Variants in COL6A6 observed in about 807,000 individuals in gnomAD.
COL6A6 encodes collagen alpha-6(VI) chain.
COL6A6 carries 183 observed loss-of-function variants against 208.6 expected under a neutral mutation model. The ratio of observed to expected loss-of-function variants is 0.88; its 90% CI spans 0.78 to 0.99. The LOEUF (loss-of-function observed/expected upper bound fraction) is 0.99, where lower values mean the gene tolerates loss of function less well. Among genes scored for constraint, COL6A6 ranks in the 50% least tolerant of loss-of-function variants. The probability of loss-of-function intolerance (pLI) is 0.00; values close to 1 mark genes in which losing one functional copy is unlikely to be tolerated. For synonymous variants in COL6A6, 973 were observed against 1,011.8 expected (o/e 0.96, Z 0.73); for missense variants, 2,816 against 2,815.2 (o/e 1.00, Z -0.01).
intron 5 of COL6A6, 25 bp from the exon 6 acceptor site, chr3:130,568,022 A>C: frequency 6.4e-7 from 1 of 1,564,654 alleles, no homozygotes; most frequent in East Asian, 2.2e-5. Flanking sequence ...TGACTTGAAT[A>C]AACATCACAG....
At chr3:130,553,930 T>C (rs2062707573) in intron 1 of COL6A6, among the ~76,000 whole-genome samples, 1 of 152,134 alleles carries the variant, frequency 6.6e-6, no homozygotes, top group South Asian at 2.1e-4. Context: ...AGAATGGTTG[T>C]ATTGACTGGC....
At chr3:130,571,774 A>G (rs957571365) in intron 7 of COL6A6, among the ~76,000 whole-genome samples, 1 of 151,260 alleles carries the variant, frequency 6.6e-6, no homozygotes, top group Non-Finnish European at 1.5e-5. Flanking sequence ...TCCAGGACTC[A>G]GGTGATCATC....
chr3:130,522,914 C>G lies in COL6A6; in HGVS notation c.-32+5517C>G, dbSNP rs537454299. 1.8e-3 allele frequency among the ~76,000 whole-genome samples: 266 copies of G among 151,586 alleles called. 1 individual carries two copies. Among genetic ancestry groups the G allele is most frequent in the African/African-American group, 6.2e-3 (256 of 41,310 alleles). The stretch of plus-strand genomic sequence containing the variant: ...TCAACACCGGCCTCCTAGTGCCCCT[C>G]CCTGTATCTAGTCATGCCCCTCTTG... On this transcript the variant is annotated intron_variant, in intron 1 of 36. Transcript: ENST00000358511.
At chr3:130,662,515 T>C (rs2065963721) in intron 35 of COL6A6, among the ~76,000 whole-genome samples, 1 of 152,180 alleles carries the variant, frequency 6.6e-6, no homozygotes, top group Admixed American at 6.5e-5. Flanking sequence ...CTTATTTTTT[T>C]TTTATGCCTC....
intron 8 of COL6A6, among the ~76,000 whole-genome samples, chr3:130,580,521 C>A (rs1233684709): frequency 6.6e-6 from 1 of 152,190 alleles, no homozygotes; most frequent in Non-Finnish European, 1.5e-5. Context: ...ACCAGTGTGT[C>A]TGGGAAGTAG....
chr3:130,568,959 G>C (rs2063096746), intron 6 of COL6A6, among the ~76,000 whole-genome samples: 1 of 152,188 alleles, frequency 6.6e-6, no homozygotes, highest in Non-Finnish European at 1.5e-5. Flanking sequence ...AACAGGTCAG[G>C]GCATGGGTAG....
chr3:130,588,492 G>C (rs566514058), intron 11 of COL6A6, among the ~76,000 whole-genome samples: 2 of 152,300 alleles, frequency 1.3e-5, no homozygotes, highest in South Asian at 4.1e-4. Context: ...AGTATAAAGA[G>C]TAATATTCTC....
Position 130,661,982 on chromosome 3 carries a change from C to T in COL6A6, c.6176C>T (p.Ala2059Val). The T allele has an allele frequency of 1.2e-6, 2 of 1,613,968 alleles. No homozygotes were observed. Among genetic ancestry groups the T allele is most frequent in the Non-Finnish European group, 1.7e-6 (2 of 1,179,876 alleles). ...HESVKQLNGD[A>V]FIGHALQWTL... ...TCAGTTAAACAACTAAATGGAGATGCTTTTATTGGTCATGCCTTACAGTGG... is the reference window on the plus strand; with the variant it reads ...TCAGTTAAACAACTAAATGGAGATGTTTTTATTGGTCATGCCTTACAGTGG... The change falls in exon 35 of 37, where the codon GCT (alanine) becomes GTT (valine). Residue 2059 changes from alanine to valine, a missense_variant. Physicochemically the swap from Ala to Val is moderately conservative, Grantham distance 64. Transcript: ENST00000358511.
rs6439249 is a variant in COL6A6, at chr3:130,581,806, T to C, written c.3793T>C (p.Leu1265=). The C allele has an allele frequency of 0.83, 1,343,486 of 1,612,936 alleles. 574,027 individuals are homozygous for C. The highest frequency in any genetic ancestry group is 0.89 in the Non-Finnish European group (1,043,589 of 1,179,108). ...CTACAGTGAAAACATACTGAATAGCTTGAAGGATATAACAGTTAAAGGACC... is the reference window on the plus strand; with the variant it reads ...CTACAGTGAAAACATACTGAATAGCCTGAAGGATATAACAGTTAAAGGACC... ...EIYSENILNS[L]KDITVKGPSL... Residue 1265 remains leucine, a synonymous_variant, in exon 9 of 37, where the codon TTG becomes CTG. Transcript: ENST00000358511.
At position 130,592,576 on chromosome 3, in the gene COL6A6, A is replaced by G. The variant is rs2063745550; in HGVS notation, c.4308A>G (p.Gln1436=). 1 of 1,612,144 alleles carries G rather than the reference A, an allele frequency of 6.2e-7. No individual in the cohort carries two copies. Among genetic ancestry groups the G allele is most frequent in the Admixed American group, 1.7e-5 (1 of 59,720 alleles). ...ERGAPGPVGE[Q]GTKGCYGTKG... is the part of the protein sequence containing the mutation. ...GAGCCCCTGGACCAGTGGGAGAGCAAGGTACTAAGGGATGCTATGGCACCA... is the reference window on the plus strand; with the variant it reads ...GAGCCCCTGGACCAGTGGGAGAGCAGGGTACTAAGGGATGCTATGGCACCA... The change falls in exon 14 of 37, where the codon CAA becomes CAG. Residue 1436 remains glutamine, a synonymous_variant. Transcript: ENST00000358511.
At chr3:130,628,623 T>C (rs1462124451) in intron 26 of COL6A6, among the ~76,000 whole-genome samples, 1 of 152,204 alleles carries the variant, frequency 6.6e-6, no homozygotes, top group African/African-American at 2.4e-5. Flanking sequence ...TCTTCAATTA[T>C]AGTCTTTGAA....
Position 130,665,031 on chromosome 3 carries a change from C to T in COL6A6, c.6531C>T (p.Asn2177=). The T allele has an allele frequency of 1.2e-6, 2 of 1,607,872 alleles. No individual in the cohort carries two copies. Among genetic ancestry groups the T allele is most frequent in the East Asian group, 2.2e-5 (1 of 44,734 alleles). ...CAATCAACAAATATCCACCAATAAA[C>T]TTAAAAATAAAGTGCAACAGACTTA... ...RRAINKYPPI[N]LKIKCNRLNS... is the part of the protein sequence containing the mutation. Residue 2177 remains asparagine (N), a synonymous_variant, in exon 36 of 37, where the codon AAC becomes AAT. Transcript: ENST00000358511.
Position 130,581,660 on chromosome 3 carries a change from A to T in COL6A6, c.3647A>T (p.Asp1216Val). 1 of 1,614,008 alleles carries T rather than the reference A, an allele frequency of 6.2e-7. No homozygotes were observed. The highest frequency in any genetic ancestry group is 8.5e-7 in the Non-Finnish European group (1 of 1,179,850). The change falls in exon 9 of 37, where the codon GAC becomes GTC. Residue 1216 changes from aspartate to valine, a missense_variant. Asp to Val is a radical substitution (Grantham distance 152). Transcript: ENST00000358511. ...GQPWMETYLQ[D>V]ILRAISSLNG... ...CCTTGGATGGAAACCTACCTTCAAG[A>T]CATCTTACGTGCCATCAGCTCCCTC...
Position 130,574,114 on chromosome 3 carries a change from G to T in COL6A6, c.3136G>T (p.Asp1046Tyr). Residue 1046 changes from aspartate to tyrosine, a missense_variant, in exon 8 of 37, where the codon GAT becomes TAT. Asp to Tyr is a radical substitution (Grantham distance 160). Coordinates refer to ENST00000358511, the MANE Select transcript of COL6A6 (RefSeq NM_001102608.3). ...RVRIGAAQFS[D>Y]TYHPEFPLGT... Reference sequence around the variant, plus strand: ...GCGAATAGGAGCGGCCCAGTTTAGCGATACCTATCACCCGGAGTTTCCACT... The same window carrying T: ...GCGAATAGGAGCGGCCCAGTTTAGCTATACCTATCACCCGGAGTTTCCACT... The T allele has an allele frequency of 1.2e-6, 2 of 1,613,968 alleles. No homozygotes were observed. The highest frequency in any genetic ancestry group is 1.7e-5 in the Admixed American group (1 of 60,014).
rs147884293 is a variant in COL6A6, at chr3:130,517,554, C to G, written c.-32+157C>G. Among the ~76,000 whole-genome samples, 19 of 152,366 alleles carry G rather than the reference C, an allele frequency of 1.2e-4. No individual in the cohort carries two copies. The East Asian group carries it at 3.5e-3, about 28-fold the overall frequency. On this transcript the variant is annotated intron_variant, in intron 1 of 36. Transcript: ENST00000358511. ...GAATTTCAGAAGCTCAAAAACTCCT[C>G]CTTTGGCTTTTCTCCTCCTCCAAAC...
intron 1 of COL6A6, among the ~76,000 whole-genome samples, chr3:130,517,714 T>C (rs1433414742): frequency 6.6e-6 from 1 of 152,210 alleles, no homozygotes; most frequent in Middle Eastern, 3.2e-3. Context: ...TCCTGAGAGG[T>C]GCGTCACCCA....
intron 28 of COL6A6, among the ~76,000 whole-genome samples, chr3:130,639,851 C>G (rs1471061632): frequency 6.6e-6 from 1 of 152,124 alleles, no homozygotes; most frequent in Non-Finnish European, 1.5e-5. Context: ...TAGTGAAGTT[C>G]TCCTGAAAAA....
chr3:130,656,873 C>T (rs114460706), intron 33 of COL6A6, among the ~76,000 whole-genome samples: 2,941 of 152,354 alleles, frequency 0.019, 92 homozygotes, highest in African/African-American at 0.067. Context: ...CGGGTTGCAA[C>T]AGTGCCTGGG....
intron 20 of COL6A6, among the ~76,000 whole-genome samples, chr3:130,605,901 T>C (rs1214305999): frequency 6.6e-6 from 1 of 152,168 alleles, no homozygotes; most frequent in Non-Finnish European, 1.5e-5. Context: ...AATTATCAGA[T>C]CTCATGAGAC....
Sources: gnomAD v4.1 joint callset for allele counts (sites outside exome capture counted in the v4.1 genomes callset) on GRCh38, gnomAD v4.1.1 for gene constraint, MANE v1.5 for transcripts, NCBI Gene and HGNC (gene_info 2026-07-23, HGNC 2026-07-21) for gene names.